SATB2: variants seen among roughly 807,000 people sequenced by gnomAD.
The protein encoded by SATB2 is SATB homeobox 2.
A neutral mutation model predicts 73.4 loss-of-function variants in SATB2; 1 was observed. The observed-to-expected ratio is 0.01, with a 90% CI of 0.00 to 0.06. SATB2 has a LOEUF of 0.06. SATB2 is among the 10% of genes least tolerant of loss of function. SATB2 has a pLI of 1.00. For synonymous variants in SATB2, 397 were observed against 367.0 expected, an observed-to-expected ratio of 1.08 and a Z score of -0.93; for missense variants, 459 against 945.8, an observed-to-expected ratio of 0.49 and a Z score of 6.75.
At chr2:199,280,516 G>A (rs1574466573) in intron 10 of SATB2, among the ~76,000 whole-genome samples, 2 of 152,306 alleles carry the variant, frequency 1.3e-5, no homozygotes, top group East Asian at 1.9e-4. Flanking sequence ...GCAAATGGGA[G>A]AAATATTGCT....
chr2:199,297,664 T>C (rs1406285011), intron 10 of SATB2, among the ~76,000 whole-genome samples: 1 of 152,188 alleles, frequency 6.6e-6, no homozygotes, highest in Admixed American at 6.5e-5. Context: ...GCCTATTTAA[T>C]ACTGCACCAA....
chr2:199,450,373 C>G (rs1194702234), intron 2 of SATB2, among the ~76,000 whole-genome samples: 1 of 152,056 alleles, frequency 6.6e-6, no homozygotes, highest in Non-Finnish European at 1.5e-5. Context: ...GCCATTGTAT[C>G]TCAGTATTCA....
intron 7 of SATB2, among the ~76,000 whole-genome samples, chr2:199,337,069 A>G (rs1022934654): frequency 6.6e-6 from 1 of 152,210 alleles, no homozygotes; most frequent in African/African-American, 2.4e-5. Flanking sequence ...TAAACATCAC[A>G]GTACAATTTT....
At chr2:199,397,848 A>C in intron 3 of SATB2, 1 of 360,260 alleles carries the variant, frequency 2.8e-6, no homozygotes. Context: ...AGCCTAGGCG[A>C]CAAAGAGAGA....
chr2:199,418,384 T>G (rs986332592), intron 3 of SATB2, among the ~76,000 whole-genome samples: 1 of 152,166 alleles, frequency 6.6e-6, no homozygotes, highest in African/African-American at 2.4e-5. Flanking sequence ...AGCGAAGTCA[T>G]CGTGATCAAT....
At chr2:199,289,194 C>A (rs1289283078) in intron 10 of SATB2, among the ~76,000 whole-genome samples, 5 of 124,142 alleles carry the variant, frequency 4.0e-5, no homozygotes, top group African/African-American at 1.1e-4. Context: ...GATCTTACTA[C>A]CTGAAACCAG....
At position 199,272,409 on chromosome 2, in the gene SATB2, G is replaced by A; in HGVS notation, c.2004C>T (p.Tyr668=). The A allele has an allele frequency of 6.2e-7, 1 of 1,614,182 alleles. No homozygotes were observed. Among genetic ancestry groups the A allele is most frequent in the Non-Finnish European group, 8.5e-7 (1 of 1,180,030 alleles). ...TIIKFFQNQR[Y]HVKHHGKLKE... Reference sequence around the variant, plus strand: ...TCAGCTTCCCGTGGTGCTTCACGTGGTACCGCTGGTTCTGGAAGAACTTGA... The same window carrying A: ...TCAGCTTCCCGTGGTGCTTCACGTGATACCGCTGGTTCTGGAAGAACTTGA... Residue 668 remains tyrosine (Y), a synonymous_variant, in exon 11 of 11, where the codon TAC becomes TAT. Transcript: ENST00000417098. This position sits in a 1 kb window ranked among gnomAD's most constrained non-coding sequence, Gnocchi z 6.7.
chr2:199,455,420 C>A lies in SATB2; in HGVS notation c.169+449G>T, dbSNP rs555840198. On this transcript the variant is annotated intron_variant, in intron 2 of 10. Coordinates refer to ENST00000417098, the MANE Select transcript of SATB2 (RefSeq NM_001172509.2). This position sits in a 1 kb window ranked among gnomAD's most constrained non-coding sequence, Gnocchi z 4.1. ...CAGTTGTCATTCATCTGTCTTGAAG[C>A]ACTGTCCTCACTACAAAGTAACATC... Among the ~76,000 whole-genome samples the A allele has an allele frequency of 5.3e-5, 8 of 152,214 alleles. No homozygotes were observed. Among genetic ancestry groups the A allele is most frequent in the Non-Finnish European group, 1.2e-4 (8 of 68,040 alleles).
intron 1 of SATB2, chr2:199,470,613 G>C (rs768725528): frequency 6.6e-6 from 1 of 152,298 alleles, no homozygotes; most frequent in Non-Finnish European, 1.5e-5. Context: ...TACACCAACA[G>C]CTTATTCTAC....
intron 8 of SATB2, chr2:199,325,608 A>G (rs1048012207): frequency 3.9e-5 from 6 of 152,210 alleles, no homozygotes; most frequent in African/African-American, 1.4e-4. Context: ...ACGTTTTAGC[A>G]TAGCATGTCT....
chr2:199,369,280 A>C (rs921127167), intron 5 of SATB2, among the ~76,000 whole-genome samples: 1 of 152,150 alleles, frequency 6.6e-6, no homozygotes, highest in Non-Finnish European at 1.5e-5. Flanking sequence ...GTGTTTCAAT[A>C]AAAAATGAAC....
upstream of SATB2, chr2:199,460,507 T>C (rs1028844699): frequency 1.3e-5 from 2 of 152,352 alleles, no homozygotes; most frequent in Non-Finnish European, 2.9e-5. This position sits in a 1 kb window ranked among gnomAD's most constrained non-coding sequence, Gnocchi z 4.0. Flanking sequence ...CTTAGAAGAA[T>C]TGGTGATATT....
intron 2 of SATB2, among the ~76,000 whole-genome samples, chr2:199,452,560 T>A (rs1373423112): frequency 6.6e-6 from 1 of 152,136 alleles, no homozygotes; most frequent in Non-Finnish European, 1.5e-5. Context: ...GATCTGTAAG[T>A]TTTAATCAAC....
chr2:199,368,322 T>G (rs1003824850), intron 6 of SATB2, among the ~76,000 whole-genome samples: 1 of 152,178 alleles, frequency 6.6e-6, no homozygotes, highest in Non-Finnish European at 1.5e-5. Flanking sequence ...TAACCTAGAA[T>G]GACAGCTTTT....
intron 6 of SATB2, among the ~76,000 whole-genome samples, chr2:199,357,792 A>G (rs1223422369): frequency 2.0e-5 from 3 of 152,104 alleles, no homozygotes; most frequent in Non-Finnish European, 4.4e-5. Context: ...GAGTGTCATC[A>G]GCATGGACTC....
chr2:199,380,507 T>C lies in SATB2; in HGVS notation c.474-20A>G. 2.5e-6 allele frequency: 4 copies of C among 1,610,772 alleles called. No homozygotes were observed. Among genetic ancestry groups the C allele is most frequent in the East Asian group, 2.2e-5 (1 of 44,856 alleles). ...GAACAACTGCAAAACAGAGCAATAATGAACAATACACAAACCTCAACCAGG... is the reference window on the plus strand; with the variant it reads ...GAACAACTGCAAAACAGAGCAATAACGAACAATACACAAACCTCAACCAGG... On this transcript the variant is annotated intron_variant, in intron 4 of 10. Transcript: ENST00000417098.
chr2:199,408,936 A>G (rs1690722398), intron 3 of SATB2, among the ~76,000 whole-genome samples: 1 of 152,040 alleles, frequency 6.6e-6, no homozygotes, highest in Non-Finnish European at 1.5e-5. Context: ...ATAATGAGGG[A>G]GTGGGAAAAG....
At chr2:199,378,951 A>G (rs1689683535) in intron 5 of SATB2, among the ~76,000 whole-genome samples, 1 of 152,186 alleles carries the variant, frequency 6.6e-6, no homozygotes, top group Non-Finnish European at 1.5e-5. Flanking sequence ...CCTATCTTCC[A>G]GAGACTCCCT....
upstream of SATB2, chr2:199,469,880 G>C (rs1692671160): frequency 6.6e-6 from 1 of 152,444 alleles, no homozygotes; most frequent in Non-Finnish European, 1.5e-5. Flanking sequence ...GGAGGAGCAG[G>C]GGGTAGAGAA....
Sources: gnomAD v4.1 joint callset for allele counts (sites outside exome capture counted in the v4.1 genomes callset) on GRCh38, gnomAD v4.1.1 for gene constraint, Gnocchi (gnomAD v3.1) non-coding constraint, MANE v1.5 for transcripts, NCBI Gene and HGNC (gene_info 2026-07-23, HGNC 2026-07-21) for gene names.